Variants in TLL1 observed in about 807,000 individuals in gnomAD.
TLL1 encodes tolloid like 1.
Under a neutral mutation model 128.2 loss-of-function variants are expected in TLL1, and 49 were observed. The ratio of observed to expected loss-of-function variants is 0.38; its 90% CI spans 0.30 to 0.48. The LOEUF (loss-of-function observed/expected upper bound fraction) is 0.48, where lower values mean the gene tolerates loss of function less well. TLL1 is among the 20% of genes least tolerant of loss of function. The probability of loss-of-function intolerance (pLI) is 0.96; values close to 1 mark genes in which losing one functional copy is unlikely to be tolerated. For synonymous variants in TLL1, 454 were observed against 418.8 expected (o/e 1.08, Z -1.03); for missense variants, 1,123 against 1,242.0 (o/e 0.90, Z 1.44).
chr4:165,900,740 C>CT (rs1371689670), intron 1 of TLL1, among the ~76,000 whole-genome samples: 1 of 152,124 alleles, frequency 6.6e-6, no homozygotes, highest in Non-Finnish European at 1.5e-5. Flanking sequence ...CAAGGAGTAT[C>CT]TTTGTGGTGT....
intron 17 of TLL1, among the ~76,000 whole-genome samples, chr4:166,076,002 G>A (rs1741005901): frequency 6.6e-6 from 1 of 152,054 alleles, no homozygotes; most frequent in Non-Finnish European, 1.5e-5. Context: ...CCATAACTTG[G>A]TAAGATATGA....
rs1447186882 is a variant in TLL1 at position 166,099,335 on chromosome 4, G to T, written c.2715G>T (p.Gln905His). The part of the protein sequence containing the change: ...SKPRDLYSHA[Q>H]FGDNNYPGQV... ...CAAGAGATCTGTACTCACATGCTCA[G>T]TTTGGTGATAACAACTACCCAGGAC... The change falls in exon 20 of 21, where the codon CAG becomes CAT. Residue 905 changes from glutamine to histidine, a missense_variant. This residue lies in a region of TLL1 where 634 missense variants were observed against 672.4 expected (regional missense o/e 0.94). Transcript: ENST00000061240. 6.8e-6 allele frequency: 11 copies of T among 1,613,488 alleles called. No individual in the cohort carries two copies. The highest frequency in any genetic ancestry group is 8.5e-7 in the Non-Finnish European group (1 of 1,179,674).
intron 14 of TLL1, among the ~76,000 whole-genome samples, chr4:166,057,695 G>C (rs1740095492): frequency 6.6e-6 from 1 of 152,144 alleles, no homozygotes; most frequent in Non-Finnish European, 1.5e-5. Context: ...CACGATAATG[G>C]GAGAAGACAA....
At chr4:165,990,280 T>C (rs1164645795) in intron 2 of TLL1, among the ~76,000 whole-genome samples, 1 of 151,974 alleles carries the variant, frequency 6.6e-6, no homozygotes, top group African/African-American at 2.4e-5. Context: ...ATTATATTAA[T>C]AGCTAAAATA....
chr4:166,034,583 G>A (rs2111083267), intron 9 of TLL1, among the ~76,000 whole-genome samples: 1 of 152,212 alleles, frequency 6.6e-6, no homozygotes, highest in South Asian at 2.1e-4. Context: ...AAAAGCCAAA[G>A]CACATCTTGT....
chr4:166,023,721 G>A (rs1029078451), intron 8 of TLL1, among the ~76,000 whole-genome samples: 1 of 152,038 alleles, frequency 6.6e-6, no homozygotes, highest in African/African-American at 2.4e-5. Context: ...TTAATTTTTA[G>A]TGTATGTTGT....
At chr4:166,007,364 C>G (rs1324485654) in intron 6 of TLL1, among the ~76,000 whole-genome samples, 1 of 151,658 alleles carries the variant, frequency 6.6e-6, no homozygotes, top group African/African-American at 2.4e-5. Context: ...GGAGAACTGC[C>G]TTTTCATCAA....
At chr4:165,970,631 C>T (rs187819933) in intron 1 of TLL1, among the ~76,000 whole-genome samples, 12 of 151,960 alleles carry the variant, frequency 7.9e-5, no homozygotes, top group African/African-American at 2.4e-4. Flanking sequence ...CTTTTTTAAC[C>T]TATTCAAATT....
intron 16 of TLL1, 94 bp from the exon 17 acceptor site, chr4:166,074,784 C>T: frequency 6.8e-7 from 1 of 1,468,906 alleles, no homozygotes. Context: ...CTTAGTTTAC[C>T]CTTTGGCAGT....
chr4:165,958,598 A>G (rs1179040929), intron 1 of TLL1, among the ~76,000 whole-genome samples: 2 of 146,916 alleles, frequency 1.4e-5, no homozygotes, highest in Non-Finnish European at 3.0e-5. Flanking sequence ...TTCATTGTAG[A>G]TTCTGGATAT....
At chr4:166,050,586 A>G (rs1169964434) in intron 12 of TLL1, among the ~76,000 whole-genome samples, 4 of 152,336 alleles carry the variant, frequency 2.6e-5, no homozygotes, top group Middle Eastern at 6.8e-3. Flanking sequence ...ATAACTAGAT[A>G]CTGCAATAGA....
chr4:166,030,493 C>A (rs1738718017), intron 9 of TLL1: 1 of 616,214 alleles, frequency 1.6e-6, no homozygotes, highest in Non-Finnish European at 3.0e-6. Flanking sequence ...CTGATGAACA[C>A]AAATTATAAA....
rs371117629 is a variant in TLL1 at position 165,978,599 on chromosome 4, A to T, written c.170-10782A>T. Among the ~76,000 whole-genome samples the T allele has an allele frequency of 1.8e-4, 27 of 152,198 alleles. 1 individual carries two copies. The highest frequency in any genetic ancestry group is 1.7e-3 in the East Asian group (9 of 5,172). On this transcript the variant is annotated intron_variant, in intron 1 of 20. Coordinates refer to ENST00000061240, the MANE Select transcript of TLL1 (RefSeq NM_012464.5). ...GCTTTTAGGATACATTTCAATGAGG[A>T]TATATATATTTAAGTTGCTGTTTTT...
At chr4:165,981,238 T>G (rs1736138485) in intron 1 of TLL1, among the ~76,000 whole-genome samples, 1 of 152,036 alleles carries the variant, frequency 6.6e-6, no homozygotes, top group African/African-American at 2.4e-5. Context: ...TGACACTCAC[T>G]CCCCAAGAGA....
At chr4:166,005,860 T>G (rs1298989373) in intron 6 of TLL1, among the ~76,000 whole-genome samples, 1 of 151,882 alleles carries the variant, frequency 6.6e-6, no homozygotes, top group African/African-American at 2.4e-5. Context: ...GAGAAGTGTA[T>G]ATAATGTGTA....
chr4:165,903,362 A>ATACTGTAT (rs946553210), intron 1 of TLL1, among the ~76,000 whole-genome samples: 15 of 151,516 alleles, frequency 9.9e-5, no homozygotes, highest in Non-Finnish European at 1.9e-4. Flanking sequence ...GAAAGTGACA[A>ATACTGTAT]TACTGTATTG....
chr4:166,032,423 T>C (rs1161384700), intron 9 of TLL1, among the ~76,000 whole-genome samples: 1 of 152,120 alleles, frequency 6.6e-6, no homozygotes, highest in Non-Finnish European at 1.5e-5. Context: ...GGTTGCACTA[T>C]AAGATAGAAA....
At chr4:165,883,190 T>C (rs1378730226) in intron 1 of TLL1, among the ~76,000 whole-genome samples, 2 of 152,188 alleles carry the variant, frequency 1.3e-5, no homozygotes, top group African/African-American at 2.4e-5. Flanking sequence ...TTGTATTGAA[T>C]GGCACGTGTA....
chr4:165,998,669 T>C lies in TLL1; in HGVS notation c.632+3491T>C, dbSNP rs888501818. On this transcript the variant is annotated intron_variant, in intron 5 of 20. Transcript: ENST00000061240. The stretch of plus-strand genomic sequence containing the variant: ...AAAATTAGCCGGGCGTGGTGGCGGG[T>C]GCTTGTAGTCCCAGCTACTCGGGAG... Among the ~76,000 whole-genome samples, 13 of 150,646 alleles carry C rather than the reference T, an allele frequency of 8.6e-5. No homozygotes were observed. The South Asian group carries it at 1.3e-3, about 15-fold the overall frequency.
Sources: gnomAD v4.1 joint callset for allele counts (sites outside exome capture counted in the v4.1 genomes callset) on GRCh38, gnomAD v4.1.1 for gene constraint, gnomAD v4.1.1 regional missense constraint, MANE v1.5 for transcripts, NCBI Gene and HGNC (gene_info 2026-07-23, HGNC 2026-07-21) for gene names.